The following GRIK4 variants were observed in gnomAD, a reference collection of about 807,000 sequenced individuals.
GRIK4 encodes the protein glutamate ionotropic receptor kainate type subunit 4, also known as glutamate receptor ionotropic, kainate 4.
Under a neutral mutation model 104.9 loss-of-function variants are expected in GRIK4, and 40 were observed. The observed-to-expected ratio is 0.38, with a 90% CI of 0.30 to 0.50. The LOEUF is 0.50. Ranked by LOEUF, GRIK4 falls within the 20% of genes least tolerant of loss-of-function variation. GRIK4 has a pLI of 0.93. For missense variants in GRIK4, 1,047 were observed against 1,308.1 expected, an observed-to-expected ratio of 0.80 and a Z score of 3.08; for synonymous variants, 485 against 524.9, an observed-to-expected ratio of 0.92 and a Z score of 1.04.
chr11:120,805,251 G>T (rs879284330), intron 4 of GRIK4, among the ~76,000 whole-genome samples: 8 of 152,142 alleles, frequency 5.3e-5, no homozygotes, highest in Non-Finnish European at 1.0e-4. Context: ...TCAGACAAGG[G>T]TCCAGATTTC....
At chr11:120,700,191 C>T (rs938281159) in intron 3 of GRIK4, among the ~76,000 whole-genome samples, 1 of 151,700 alleles carries the variant, frequency 6.6e-6, no homozygotes, top group East Asian at 1.9e-4. Context: ...ACTATAGTTA[C>T]GTGCCACATC....
intron 3 of GRIK4, among the ~76,000 whole-genome samples, chr11:120,762,787 C>T (rs1289386203): frequency 6.6e-6 from 1 of 152,162 alleles, no homozygotes; most frequent in Non-Finnish European, 1.5e-5. Context: ...AGGGATGAAG[C>T]CAACTTGATC....
intron 3 of GRIK4, among the ~76,000 whole-genome samples, chr11:120,797,332 C>G (rs905353954): frequency 6.6e-6 from 1 of 152,156 alleles, no homozygotes; most frequent in African/African-American, 2.4e-5. Context: ...GCTGGGGACT[C>G]GGAGCGTCCC....
chr11:120,644,919 GA>G (rs989931280), intron 1 of GRIK4, among the ~76,000 whole-genome samples: 1 of 151,800 alleles, frequency 6.6e-6, no homozygotes, highest in Non-Finnish European at 1.5e-5. Flanking sequence ...GGACAAAAAA[GA>G]AAAAAAAGAA....
At chr11:120,666,060 G>T (rs899170752) in intron 3 of GRIK4, among the ~76,000 whole-genome samples, 1 of 152,186 alleles carries the variant, frequency 6.6e-6, no homozygotes, top group African/African-American at 2.4e-5. Context: ...AAATCCCGGG[G>T]TCCCAAAAGG....
chr11:120,984,215 G>A (rs116476345), intron 20 of GRIK4, among the ~76,000 whole-genome samples: 38 of 152,250 alleles, frequency 2.5e-4, no homozygotes, highest in African/African-American at 8.2e-4. Flanking sequence ...ATTTGGCTGT[G>A]GTAGAACAAC....
chr11:120,745,867 G>T (rs1241879783), intron 3 of GRIK4, among the ~76,000 whole-genome samples: 5 of 152,178 alleles, frequency 3.3e-5, no homozygotes, highest in African/African-American at 9.7e-5. Context: ...TGTTCAGGAG[G>T]GTAGTGATGA....
chr11:120,784,077 A>G (rs540626856), intron 3 of GRIK4, among the ~76,000 whole-genome samples: 20 of 152,292 alleles, frequency 1.3e-4, no homozygotes, highest in African/African-American at 4.6e-4. Flanking sequence ...TAGAACAGTG[A>G]CTTGATATTA....
intron 3 of GRIK4, among the ~76,000 whole-genome samples, chr11:120,769,745 G>T (rs1951906291): frequency 1.3e-5 from 2 of 152,186 alleles, no homozygotes; most frequent in Admixed American, 6.5e-5. Context: ...AAGGAGACAT[G>T]GAATGGATAG....
Position 120,952,977 on chromosome 11 carries a change from T to G in GRIK4, c.1700+13T>G. On this transcript the variant is annotated intron_variant, in intron 15 of 20. Coordinates refer to ENST00000527524, the MANE Select transcript of GRIK4 (RefSeq NM_014619.5). The surrounding 1 kb of genome is among the most constrained non-coding windows in gnomAD (Gnocchi z 5.2). ...TCCTGGTGGCTCGGTACTCTCCTCT[T>G]CCCTTCCCTGTCCTTACACCGCCAC... 1 of 1,522,046 alleles carries G rather than the reference T, an allele frequency of 6.6e-7. No individual in the cohort carries two copies. Among genetic ancestry groups the G allele is most frequent in the Non-Finnish European group, 9.0e-7 (1 of 1,105,366 alleles). 94.3% of individuals were successfully genotyped at this position (1,522,046 alleles called of 1,614,324 possible).
chr11:120,936,067 C>CTCG, intron 13 of GRIK4: 3 of 216,448 alleles, frequency 1.4e-5, no homozygotes, highest in East Asian at 1.4e-4. Context: ...CTTCATCTTC[C>CTCG]TCCTCCTCCT....
chr11:120,972,901 C>T (rs979775787), intron 19 of GRIK4, among the ~76,000 whole-genome samples: 4 of 151,984 alleles, frequency 2.6e-5, no homozygotes, highest in Admixed American at 6.6e-5. Flanking sequence ...AGAGGCGGCA[C>T]GTAGGGACCC....
chr11:120,721,601 G>A (rs901314364), intron 3 of GRIK4, among the ~76,000 whole-genome samples: 1 of 152,166 alleles, frequency 6.6e-6, no homozygotes, highest in African/African-American at 2.4e-5. Flanking sequence ...GGGTGGGCTT[G>A]TTTGAATAAT....
chr11:120,973,488 A>G (rs1043309441), intron 19 of GRIK4, among the ~76,000 whole-genome samples: 3 of 152,252 alleles, frequency 2.0e-5, no homozygotes, highest in African/African-American at 7.2e-5. Flanking sequence ...GCTATCAGCC[A>G]GCCAGTGTTA....
chr11:120,744,548 G>C (rs1951404669), intron 3 of GRIK4, among the ~76,000 whole-genome samples: 1 of 152,176 alleles, frequency 6.6e-6, no homozygotes, highest in Non-Finnish European at 1.5e-5. Flanking sequence ...GGGCAGTCGT[G>C]GTGTCCCAGC....
At position 120,942,155 on chromosome 11, in the gene GRIK4, A is replaced by G. The variant is rs978437391; in HGVS notation, c.1590+1695A>G. On this transcript the variant is annotated intron_variant, in intron 14 of 20. Coordinates refer to ENST00000527524, the MANE Select transcript of GRIK4 (RefSeq NM_014619.5). ...CACCCTTTTTCTCATTTGGTCCTCA[A>G]GATGGTTCTTTGGGGGAAAGGGGGC... 2.0e-5 allele frequency among the ~76,000 whole-genome samples: 3 copies of G among 152,172 alleles called. No individual in the cohort carries two copies. The East Asian group carries it at 5.8e-4, about 29-fold the overall frequency.
At chr11:120,590,981 T>G (rs939728339) in intron 1 of GRIK4, among the ~76,000 whole-genome samples, 2 of 152,030 alleles carry the variant, frequency 1.3e-5, no homozygotes, top group African/African-American at 4.8e-5. Context: ...CACTCCCAAA[T>G]GATGATGGTC....
chr11:120,634,819 A>C (rs74579005), intron 1 of GRIK4, among the ~76,000 whole-genome samples: 4,932 of 152,222 alleles, frequency 0.032, 154 homozygotes, highest in African/African-American at 0.081. Flanking sequence ...CCTCTCTGCC[A>C]ATCTTCGTGC....
rs1488905122 is a variant in GRIK4, at chr11:120,986,656, G to A, written c.*396G>A. 1 of 166,940 alleles carries A rather than the reference G, an allele frequency of 6.0e-6. No individual in the cohort carries two copies. Among genetic ancestry groups the A allele is most frequent in the Admixed American group, 6.4e-5 (1 of 15,672 alleles). 10.3% of individuals were successfully genotyped at this position (166,940 alleles called of 1,614,324 possible). On this transcript the variant is annotated 3_prime_UTR_variant, in exon 21 of 21. Coordinates refer to ENST00000527524, the MANE Select transcript of GRIK4 (RefSeq NM_014619.5). ...CAGGGGCCAATGTACCCTCCGTCTA[G>A]TTCTTACAGAAAAAAAAAAAATTAA...
Sources: gnomAD v4.1 joint callset for allele counts (sites outside exome capture counted in the v4.1 genomes callset) on GRCh38, gnomAD v4.1.1 for gene constraint, Gnocchi (gnomAD v3.1) non-coding constraint, MANE v1.5 for transcripts, NCBI Gene and HGNC (gene_info 2026-07-23, HGNC 2026-07-21) for gene names.